CA8: variants seen among roughly 807,000 people sequenced by gnomAD.
The protein encoded by CA8 is carbonic anhydrase-related protein.
Under a neutral mutation model 41.4 loss-of-function variants are expected in CA8, and 22 were observed. The ratio of observed to expected loss-of-function variants is 0.53; its 90% CI spans 0.38 to 0.76. The LOEUF is 0.76. Among genes scored for constraint, CA8 ranks in the 30% least tolerant of loss-of-function variants. The probability of loss-of-function intolerance (pLI) is 0.00; values close to 1 mark genes in which losing one functional copy is unlikely to be tolerated. For missense variants in CA8, 270 were observed against 352.8 expected (o/e 0.77, Z 1.88); for synonymous variants, 121 against 130.6 (o/e 0.93, Z 0.50).
chr8:60,194,585 A>C (rs776993479), intron 8 of CA8, among the ~76,000 whole-genome samples: 1 of 152,168 alleles, frequency 6.6e-6, no homozygotes, highest in Non-Finnish European at 1.5e-5. Flanking sequence ...AAGTATCTCC[A>C]GTCCACCAAG....
intron 3 of CA8, among the ~76,000 whole-genome samples, chr8:60,258,177 C>T (rs1228003875): frequency 6.6e-6 from 1 of 152,134 alleles, no homozygotes; most frequent in Non-Finnish European, 1.5e-5. Flanking sequence ...TGTCATGGTA[C>T]CACGGCAGTG....
intron 4 of CA8, among the ~76,000 whole-genome samples, chr8:60,228,182 T>G (rs1396389663): frequency 6.6e-6 from 1 of 152,196 alleles, no homozygotes; most frequent in Non-Finnish European, 1.5e-5. Flanking sequence ...GCCAGTCAGC[T>G]CTAAACAATC....
Position 60,187,475 on chromosome 8 carries a change from C to T in CA8, c.*2546G>A, listed in dbSNP as rs1405188734. ...TTAGTCTGCTTTCTTACTAATCTTACTATTTTGTAAGATTTGAGCAGAGTT... is the reference window on the plus strand; with the variant it reads ...TTAGTCTGCTTTCTTACTAATCTTATTATTTTGTAAGATTTGAGCAGAGTT... On this transcript the variant is annotated 3_prime_UTR_variant, in exon 9 of 9. Transcript: ENST00000317995. The T allele has an allele frequency of 6.6e-6, 1 of 152,064 alleles. No individual in the cohort carries two copies. Among genetic ancestry groups the T allele is most frequent in the Non-Finnish European group, 1.5e-5 (1 of 67,984 alleles). 9.4% of individuals were successfully genotyped at this position (152,064 alleles called of 1,614,324 possible).
intron 2 of CA8, among the ~76,000 whole-genome samples, chr8:60,271,274 G>A (rs769455156): frequency 2.0e-5 from 3 of 151,956 alleles, no homozygotes; most frequent in African/African-American, 7.3e-5. Flanking sequence ...CCCAGGACTT[G>A]GAGGCTGCAG....
At chr8:60,193,131 C>T (rs1299540678) in intron 8 of CA8, among the ~76,000 whole-genome samples, 1 of 152,106 alleles carries the variant, frequency 6.6e-6, no homozygotes, top group Non-Finnish European at 1.5e-5. Flanking sequence ...TTCTTTCCTG[C>T]ACAACATTTT....
In CA8 at chr8:60,279,882, T is replaced by C. The variant is rs1170677853; in HGVS notation, c.101-2A>G. ...GAAACACCAGACCCCACTCAACACC[T>C]AAGAACAAAATGAAATAAATTAAAA... On this transcript the variant is annotated splice_acceptor_variant, in intron 1 of 8. Coordinates refer to ENST00000317995, the MANE Select transcript of CA8 (RefSeq NM_004056.6). LOFTEE classifies it high-confidence loss of function. 1 of 1,606,100 alleles carries C rather than the reference T, an allele frequency of 6.2e-7. No individual in the cohort carries two copies. The highest frequency in any genetic ancestry group is 1.3e-5 in the African/African-American group (1 of 74,436).
chr8:60,246,315 GAC>G (rs1193691708), intron 3 of CA8, among the ~76,000 whole-genome samples: 2 of 152,080 alleles, frequency 1.3e-5, no homozygotes, highest in Non-Finnish European at 2.9e-5. Context: ...TTTGTTTTAA[GAC>G]AGTCTTACTC....
chr8:60,210,637 T>C (rs1806802999), intron 7 of CA8, among the ~76,000 whole-genome samples: 2 of 151,914 alleles, frequency 1.3e-5, no homozygotes, highest in African/African-American at 2.4e-5. Context: ...TTTCTCTCTG[T>C]ACTTACATGC....
chr8:60,224,288 A>G (rs1054957229), intron 6 of CA8, among the ~76,000 whole-genome samples: 4 of 152,202 alleles, frequency 2.6e-5, no homozygotes, highest in African/African-American at 9.6e-5. Context: ...AGAGGTAGCA[A>G]TTTTTACAAA....
intron 2 of CA8, among the ~76,000 whole-genome samples, chr8:60,269,600 T>C (rs967184897): frequency 8.5e-5 from 13 of 152,240 alleles, no homozygotes; most frequent in African/African-American, 3.1e-4. Context: ...TATACATTTA[T>C]CTAAATCTAT....
intron 3 of CA8, among the ~76,000 whole-genome samples, chr8:60,244,767 T>C (rs763277076): frequency 6.6e-6 from 1 of 152,254 alleles, no homozygotes; most frequent in African/African-American, 2.4e-5. Flanking sequence ...AAAACCACTC[T>C]ATTTTAATTC....
At chr8:60,266,676 T>C (rs2130599522) in intron 2 of CA8, among the ~76,000 whole-genome samples, 1 of 152,324 alleles carries the variant, frequency 6.6e-6, no homozygotes, top group Non-Finnish European at 1.5e-5. Context: ...CACAGGACCA[T>C]GTCTCTATTT....
chr8:60,198,283 G>A (rs1220596432), intron 8 of CA8, among the ~76,000 whole-genome samples: 2 of 152,106 alleles, frequency 1.3e-5, no homozygotes, highest in Non-Finnish European at 2.9e-5. Context: ...GGATTGTTAC[G>A]AGGACTAAAT....
chr8:60,242,785 G>C (rs1357045782), intron 3 of CA8, among the ~76,000 whole-genome samples: 1 of 152,240 alleles, frequency 6.6e-6, no homozygotes, highest in Non-Finnish European at 1.5e-5. Flanking sequence ...GTGCTGGCTA[G>C]AGCAGAATCC....
intron 2 of CA8, among the ~76,000 whole-genome samples, chr8:60,267,255 G>C (rs1803931452): frequency 6.6e-6 from 1 of 152,238 alleles, no homozygotes; most frequent in African/African-American, 2.4e-5. Context: ...AGCCAAGAAA[G>C]AGGCAGAAAA....
Position 60,222,678 on chromosome 8 carries a change from G to A in CA8, c.709C>T (p.Arg237Ter), listed in dbSNP as rs772437360. 3.7e-6 allele frequency: 6 copies of A among 1,610,448 alleles called. No individual in the cohort carries two copies. Among genetic ancestry groups the A allele is most frequent in the South Asian group, 1.1e-5 (1 of 91,000 alleles). Reference protein sequence around the residue: ...CSEGVTWILFRYPLTISQLQI... With the variant: ...CSEGVTWILF ...AGCTGGGATATAGTTAAAGGGTATC[G>A]GAATAATATCCAGGTGACACCTTCA... Residue 237 changes from arginine to a stop codon, truncating the protein, a stop_gained, in exon 7 of 9, where the codon CGA becomes TGA. Transcript: ENST00000317995. LOFTEE classifies it high-confidence loss of function.
intron 3 of CA8, among the ~76,000 whole-genome samples, chr8:60,250,526 C>G (rs1808405756): frequency 1.3e-5 from 2 of 152,160 alleles, no homozygotes. Flanking sequence ...AACACCCGTT[C>G]TTTTTCCTTT....
At chr8:60,275,889 A>G (rs981509285) in intron 2 of CA8, among the ~76,000 whole-genome samples, 18 of 152,234 alleles carry the variant, frequency 1.2e-4, no homozygotes, top group African/African-American at 4.1e-4. Context: ...GAACGGCGCT[A>G]GATCTTTCAA....
chr8:60,189,877 A>G lies in CA8; in HGVS notation c.*144T>C, dbSNP rs1161254269. The G allele has an allele frequency of 6.6e-6, 1 of 152,394 alleles. No individual in the cohort carries two copies. The highest frequency in any genetic ancestry group is 1.9e-4 in the East Asian group (1 of 5,194). 9.4% of individuals were successfully genotyped at this position (152,394 alleles called of 1,614,324 possible). On this transcript the variant is annotated 3_prime_UTR_variant, in exon 9 of 9. Transcript: ENST00000317995. ...GGCAACCATCACAGATGTCCATCAA[A>G]GCTGGATTAGATGAAGACAAACAAC...
Sources: gnomAD v4.1 joint callset for allele counts (sites outside exome capture counted in the v4.1 genomes callset) on GRCh38, gnomAD v4.1.1 for gene constraint, MANE v1.5 for transcripts, NCBI Gene and HGNC (gene_info 2026-07-23, HGNC 2026-07-21) for gene names.